The following CFDP1 variants were observed in gnomAD, a reference collection of about 807,000 sequenced individuals.
CFDP1 encodes the protein heterochromatin-stabilizing protein CFDP1.
In CFDP1, 31 loss-of-function variants were observed where a neutral mutation model predicts 40.1. The ratio of observed to expected loss-of-function variants is 0.77; its 90% CI spans 0.58 to 1.04. The LOEUF (loss-of-function observed/expected upper bound fraction) is 1.04, where lower values mean the gene tolerates loss of function less well. CFDP1 is among the 50% of genes least tolerant of loss of function. CFDP1 has a pLI of 0.00. For missense variants in CFDP1, 423 were observed against 343.4 expected, an observed-to-expected ratio of 1.23 and a Z score of -1.83; for synonymous variants, 167 against 120.0, an observed-to-expected ratio of 1.39 and a Z score of -2.56.
intron 6 of CFDP1, among the ~76,000 whole-genome samples, chr16:75,304,755 G>GTAATTCAGC (rs1419019339): frequency 1.1e-4 from 17 of 152,340 alleles, no homozygotes; most frequent in Middle Eastern, 3.4e-3. Context: ...CACTGGAGCT[G>GTAATTCAGC]TAATTCAGCA....
At position 75,381,497 on chromosome 16, in the gene CFDP1, G is replaced by A. The variant is rs575549529; in HGVS notation, c.650+13593C>T. On this transcript the variant is annotated intron_variant, in intron 5 of 6. Coordinates refer to ENST00000283882, the MANE Select transcript of CFDP1 (RefSeq NM_006324.3). Reference sequence around the variant, plus strand: ...AAGACAAGAAAGGGAAAAACTAAAGGTGACACTGAGGTTGGGGCTCAACTA... The same window carrying A: ...AAGACAAGAAAGGGAAAAACTAAAGATGACACTGAGGTTGGGGCTCAACTA... Among the ~76,000 whole-genome samples the A allele has an allele frequency of 1.5e-4, 23 of 152,190 alleles. No homozygotes were observed. The South Asian group carries it at 4.8e-3, about 32-fold the overall frequency.
intron 5 of CFDP1, among the ~76,000 whole-genome samples, chr16:75,366,059 T>G (rs371864372): frequency 4.6e-5 from 7 of 152,238 alleles, no homozygotes; most frequent in African/African-American, 1.7e-4. Context: ...TGAAAACATG[T>G]CCACATAAAG....
intron 6 of CFDP1, among the ~76,000 whole-genome samples, chr16:75,303,685 C>A (rs3784936): frequency 6.3e-4 from 95 of 151,734 alleles, no homozygotes; most frequent in Non-Finnish European, 1.1e-3. Context: ...TGAATGACTT[C>A]GACTTAACGC....
intron 5 of CFDP1, among the ~76,000 whole-genome samples, chr16:75,356,399 A>G (rs57916101): frequency 6.6e-6 from 1 of 152,230 alleles, no homozygotes; most frequent in Non-Finnish European, 1.5e-5. Context: ...GTCAATGAGC[A>G]GTAACATTTT....
chr16:75,407,057 A>C (rs55666768), intron 4 of CFDP1, among the ~76,000 whole-genome samples: 6 of 152,234 alleles, frequency 3.9e-5, no homozygotes, highest in Admixed American at 1.3e-4. Flanking sequence ...ATGAAATAAA[A>C]TAATTAGCTA....
intron 4 of CFDP1, 76 bp from the exon 5 acceptor site, chr16:75,395,285 C>CA (rs767906992): frequency 1.7e-5 from 25 of 1,483,738 alleles, no homozygotes; most frequent in Non-Finnish European, 2.3e-5. Context: ...GGAATAAAGA[C>CA]AACTAGAAAA....
chr16:75,293,884 A>C lies in CFDP1; in HGVS notation c.*68T>G. 1 of 1,323,864 alleles carries C rather than the reference A, an allele frequency of 7.6e-7. No individual in the cohort carries two copies. Among genetic ancestry groups the C allele is most frequent in the Non-Finnish European group, 1.1e-6 (1 of 923,174 alleles). 82.0% of individuals were successfully genotyped at this position (1,323,864 alleles called of 1,614,324 possible). Reference sequence around the variant, plus strand: ...CAGATGATGAGAAACACTGTAAAACATTTCACAGACGCACAAAAAGCTCAC... The same window carrying C: ...CAGATGATGAGAAACACTGTAAAACCTTTCACAGACGCACAAAAAGCTCAC... On this transcript the variant is annotated 3_prime_UTR_variant, in exon 7 of 7. Transcript: ENST00000283882.
intron 4 of CFDP1, among the ~76,000 whole-genome samples, chr16:75,407,868 G>A (rs954077759): frequency 5.3e-5 from 8 of 152,030 alleles, no homozygotes; most frequent in South Asian, 2.1e-4. Context: ...AGCACTTTGG[G>A]AGGTGAAGGC....
At chr16:75,328,498 C>G (rs533975931) in intron 5 of CFDP1, among the ~76,000 whole-genome samples, 8 of 142,868 alleles carry the variant, frequency 5.6e-5, no homozygotes, top group African/African-American at 2.1e-4. Flanking sequence ...CTTCGGGAGG[C>G]TGAAGCAGGA....
At chr16:75,374,605 C>T (rs1282720258) in intron 5 of CFDP1, among the ~76,000 whole-genome samples, 1 of 151,530 alleles carries the variant, frequency 6.6e-6, no homozygotes, top group Non-Finnish European at 1.5e-5. Flanking sequence ...TCAGTTGATC[C>T]CCGGAGTTTG....
chr16:75,361,359 G>A (rs562505478), intron 5 of CFDP1, among the ~76,000 whole-genome samples: 1 of 152,300 alleles, frequency 6.6e-6, no homozygotes, highest in South Asian at 2.1e-4. Flanking sequence ...GCTCACACCT[G>A]TAATCCCAGC....
intron 1 of CFDP1, among the ~76,000 whole-genome samples, chr16:75,422,997 T>A (rs1162431616): frequency 6.6e-6 from 1 of 151,216 alleles, no homozygotes; most frequent in Non-Finnish European, 1.5e-5. Context: ...AATAAAAAAT[T>A]AGGCCGGGCG....
chr16:75,303,674 T>C (rs2078238920), intron 6 of CFDP1, among the ~76,000 whole-genome samples: 1 of 152,116 alleles, frequency 6.6e-6, no homozygotes, highest in Non-Finnish European at 1.5e-5. Flanking sequence ...TAAAAAAAAC[T>C]TGAATGACTT....
At chr16:75,298,296 C>T (rs979139462) in intron 6 of CFDP1, among the ~76,000 whole-genome samples, 2 of 152,162 alleles carry the variant, frequency 1.3e-5, no homozygotes, top group Non-Finnish European at 1.5e-5. Flanking sequence ...GGGAACCCAC[C>T]CTGCAGGAGG....
At chr16:75,394,658 C>CTGTTTTT (rs2078981346) in intron 5 of CFDP1, 1 of 103,292 alleles carries the variant, frequency 9.7e-6, no homozygotes, top group Non-Finnish European at 1.8e-5. Flanking sequence ...ATTTTCTTCG[C>CTGTTTTT]TTTTTTTTTT....
At chr16:75,393,945 C>T (rs2078975044) in intron 5 of CFDP1, among the ~76,000 whole-genome samples, 1 of 151,696 alleles carries the variant, frequency 6.6e-6, no homozygotes, top group Non-Finnish European at 1.5e-5. Flanking sequence ...GTCCCAGCTA[C>T]TCAGGAGGCT....
chr16:75,317,571 A>T (rs77472756), intron 5 of CFDP1, among the ~76,000 whole-genome samples: 2,371 of 152,332 alleles, frequency 0.016, 58 homozygotes, highest in African/African-American at 0.053. Context: ...ATGATTAGAC[A>T]CAGCTGGGGA....
chr16:75,413,267 CAT>C (rs144329803), intron 2 of CFDP1, among the ~76,000 whole-genome samples: 2,606 of 152,202 alleles, frequency 0.017, 69 homozygotes, highest in African/African-American at 0.059. Flanking sequence ...AGAGCTGGAA[CAT>C]AGAAAAATTC....
chr16:75,402,875 G>A (rs1307099471), intron 4 of CFDP1, among the ~76,000 whole-genome samples: 2 of 151,916 alleles, frequency 1.3e-5, no homozygotes, highest in African/African-American at 2.4e-5. Context: ...GTTTTCTTTA[G>A]GGGAAGGGAG....
Sources: gnomAD v4.1 joint callset for allele counts (sites outside exome capture counted in the v4.1 genomes callset) on GRCh38, gnomAD v4.1.1 for gene constraint, MANE v1.5 for transcripts, NCBI Gene and HGNC (gene_info 2026-07-23, HGNC 2026-07-21) for gene names.